The following CC2D2B variants were observed in gnomAD, a reference collection of about 807,000 sequenced individuals.
CC2D2B encodes the protein protein CC2D2B.
A neutral mutation model predicts 161.2 loss-of-function variants in CC2D2B; 128 were observed. The ratio of observed to expected loss-of-function variants is 0.79; its 90% CI spans 0.69 to 0.92. The LOEUF is 0.92. Among genes scored for constraint, CC2D2B ranks in the 40% least tolerant of loss-of-function variants. CC2D2B has a pLI of 0.00. For missense variants in CC2D2B, 1,173 were observed against 1,375.1 expected (o/e 0.85, Z 2.32); for synonymous variants, 391 against 449.8 (o/e 0.87, Z 1.65).
intron 15 of CC2D2B, among the ~76,000 whole-genome samples, chr10:95,971,401 A>AG (rs1235758709): frequency 2.6e-5 from 4 of 151,818 alleles, no homozygotes; most frequent in Non-Finnish European, 5.9e-5. Flanking sequence ...AAAAAAAAAA[A>AG]AAAGAAAGAA....
At position 95,946,372 on chromosome 10, in the gene CC2D2B, T is replaced by C. The variant is rs1008315366; in HGVS notation, c.802-3524T>C. Among the ~76,000 whole-genome samples, 11 of 152,334 alleles carry C rather than the reference T, an allele frequency of 7.2e-5. No homozygotes were observed. In the East Asian group the frequency reaches 2.1e-3, roughly 29 times the overall value. On this transcript the variant is annotated intron_variant, in intron 9 of 34. Coordinates refer to ENST00000646931, the MANE Select transcript of CC2D2B (RefSeq NM_001349008.3). ...GGACAGGACCAAGGGCAGAGGCTTG[T>C]GTCACTCCATTAGAAACCCAAAGCA...
intron 10 of CC2D2B, among the ~76,000 whole-genome samples, chr10:95,951,440 C>T (rs1037139773): frequency 3.9e-5 from 6 of 152,180 alleles, no homozygotes; most frequent in African/African-American, 1.4e-4. Flanking sequence ...GTGTGAGCCA[C>T]CATGCCCAGC....
chr10:95,995,450 A>G, intron 23 of CC2D2B, 85 bp downstream of exon 23: 1 of 682,564 alleles, frequency 1.5e-6, no homozygotes, highest in Non-Finnish European at 2.3e-6. Flanking sequence ...CTCTCCATCT[A>G]TATTTTCTTT....
intron 6 of CC2D2B, among the ~76,000 whole-genome samples, chr10:95,930,186 GCTCT>G (rs1178941877): frequency 6.6e-6 from 1 of 151,956 alleles, no homozygotes; most frequent in Non-Finnish European, 1.5e-5. Flanking sequence ...TCATGATTTG[GCTCT>G]CTGTTTGTCT....
intron 33 of CC2D2B, among the ~76,000 whole-genome samples, chr10:96,025,204 T>TATATATAAAAAAAAAA (rs2079704635): frequency 8.0e-6 from 1 of 125,672 alleles, no homozygotes; most frequent in Non-Finnish European, 1.6e-5. Flanking sequence ...TATATATATA[T>TATATATAAAAAAAAAA]ATATATATAT....
intron 17 of CC2D2B, among the ~76,000 whole-genome samples, chr10:95,977,443 G>A (rs2077360445): frequency 6.6e-6 from 1 of 152,066 alleles, no homozygotes; most frequent in Non-Finnish European, 1.5e-5. Context: ...TAACCTAAAT[G>A]ATCGTTGTCT....
chr10:95,937,670 C>T (rs1272618949), intron 6 of CC2D2B, among the ~76,000 whole-genome samples: 1 of 152,084 alleles, frequency 6.6e-6, no homozygotes, highest in Non-Finnish European at 1.5e-5. Context: ...CTGCCCTACA[C>T]TGTGTATTCT....
At chr10:95,932,918 T>A (rs2141236690) in intron 6 of CC2D2B, among the ~76,000 whole-genome samples, 1 of 152,332 alleles carries the variant, frequency 6.6e-6, no homozygotes, top group Non-Finnish European at 1.5e-5. Context: ...TGAATTTGAA[T>A]GTTGACCTGT....
chr10:96,027,336 T>C lies in CC2D2B; in HGVS notation c.4072T>C (p.Phe1358Leu), dbSNP rs2079827775. 6.4e-7 allele frequency: 1 copy of C among 1,551,078 alleles called. No homozygotes were observed. The highest frequency in any genetic ancestry group is 8.7e-7 in the Non-Finnish European group (1 of 1,146,708). The change falls in exon 34 of 35, where the codon TTT (phenylalanine) becomes CTT (leucine). Residue 1358 changes from phenylalanine to leucine, a missense_variant. Phe to Leu is a conservative substitution (Grantham distance 22). Around this residue, in one of 3 missense-constraint regions of CC2D2B, gnomAD observed 598 missense variants for 693.2 expected, o/e 0.86. Transcript: ENST00000646931. ...TAAGCTGGAATTTGGCATAGGAAGC[T>C]TTGTTTCATCTGAAGGAGATAATGA... The part of the protein sequence containing the change: ...LPKLEFGIGS[F>L]VSSEGDNEFE...
chr10:95,931,817 A>G (rs554063697), intron 6 of CC2D2B, among the ~76,000 whole-genome samples: 19 of 152,282 alleles, frequency 1.2e-4, no homozygotes, highest in Admixed American at 9.2e-4. Flanking sequence ...CAATTTTAGA[A>G]TAAGTGCAAT....
At chr10:96,028,357 A>C (rs1361824027) in intron 34 of CC2D2B, among the ~76,000 whole-genome samples, 4 of 152,236 alleles carry the variant, frequency 2.6e-5, no homozygotes, top group Admixed American at 6.5e-5. Context: ...ACAATTGACA[A>C]ACAGGCATAT....
Position 95,982,013 on chromosome 10 carries a change from T to C in CC2D2B, c.1982T>C (p.Ile661Thr). ...RNVDARSVPG[I>T]PWLMNEQKLF... ...GTAGATGCAAGAAGTGTTCCTGGAA[T>C]TCCATGGCTCATGAATGAACAGAAG... Residue 661 changes from isoleucine to threonine, a missense_variant, in exon 18 of 35, where the codon ATT becomes ACT. By Grantham distance (89) the Ile-to-Thr change is moderately conservative. This residue lies in a region of CC2D2B where 277 missense variants were observed against 420.6 expected (regional missense o/e 0.66). Transcript: ENST00000646931. The C allele has an allele frequency of 8.1e-7, 1 of 1,230,894 alleles. No individual in the cohort carries two copies. The highest frequency in any genetic ancestry group is 1.0e-6 in the Non-Finnish European group (1 of 986,916). The allele number at this position is 1,230,894 out of a possible 1,614,324, so 76.2% of individuals were successfully genotyped here. A position where few individuals can be genotyped will look rare whatever the true frequency, so the allele number is the denominator to read the frequency against.
At chr10:96,031,059 C>G (rs753315373) in intron 34 of CC2D2B, among the ~76,000 whole-genome samples, 42 of 152,262 alleles carry the variant, frequency 2.8e-4, no homozygotes, top group Non-Finnish European at 5.9e-4. Context: ...CACCCAACAC[C>G]TAGTAAGTAT....
In CC2D2B at chr10:96,027,264, A is replaced by C. The variant is rs180837482; in HGVS notation, c.4000A>C (p.Thr1334Pro). ...GATGGAATGGCGACCTAAACACCCAACACATTGGAATCGACAGTGTACTTT... is the reference window on the plus strand; with the variant it reads ...GATGGAATGGCGACCTAAACACCCACCACATTGGAATCGACAGTGTACTTT... Reference protein sequence around the residue: ...KVMEWRPKHPTHWNRQCTFIL... With the variant: ...KVMEWRPKHPPHWNRQCTFIL... Residue 1334 changes from threonine (T) to proline (P), a missense_variant, in exon 34 of 35, where the codon ACA becomes CCA. Physicochemically the swap from Thr to Pro is conservative, Grantham distance 38. Transcript: ENST00000646931. The C allele has an allele frequency of 1.4e-4, 221 of 1,550,734 alleles. 1 individual carries two copies. In the East Asian group the frequency reaches 5.2e-3, roughly 37 times the overall value.
intron 17 of CC2D2B, among the ~76,000 whole-genome samples, chr10:95,979,304 T>G (rs2077429055): frequency 6.6e-6 from 1 of 152,052 alleles, no homozygotes; most frequent in Admixed American, 6.6e-5. Context: ...GTTGGGAGAT[T>G]GGGTTGTTAT....
intron 16 of CC2D2B, among the ~76,000 whole-genome samples, chr10:95,972,556 C>T (rs1392998295): frequency 6.6e-6 from 1 of 152,136 alleles, no homozygotes; most frequent in Non-Finnish European, 1.5e-5. Context: ...TCAGGTGATC[C>T]GCCCCCCTCA....
At chr10:96,018,536 A>G (rs2079303908) in intron 30 of CC2D2B, among the ~76,000 whole-genome samples, 2 of 152,258 alleles carry the variant, frequency 1.3e-5, no homozygotes, top group South Asian at 4.1e-4. Flanking sequence ...AAAGTGCCCT[A>G]CCTCAAAACA....
Position 95,924,390 on chromosome 10 carries a change from G to T in CC2D2B, c.174G>T (p.Lys58Asn). 1 of 1,470,220 alleles carries T rather than the reference G, an allele frequency of 6.8e-7. No individual in the cohort carries two copies. Among genetic ancestry groups the T allele is most frequent in the Non-Finnish European group, 9.1e-7 (1 of 1,094,866 alleles). The allele number at this position is 1,470,220 out of a possible 1,614,324, so 91.1% of individuals were successfully genotyped here. ...GKVREKLKIS[K>N]INKGEKSSTE... Reference sequence around the variant, plus strand: ...TGAGAGAAAAGCTAAAAATTTCTAAGGTAATGCTTTTTAAAATTTCCTGTT... The same window carrying T: ...TGAGAGAAAAGCTAAAAATTTCTAATGTAATGCTTTTTAAAATTTCCTGTT... Residue 58 changes from lysine to asparagine, a missense_variant and splice_region_variant, in exon 4 of 35, where the codon AAG becomes AAT. By Grantham distance (94) the Lys-to-Asn change is moderately conservative. This residue lies in a region of CC2D2B where 298 missense variants were observed against 261.2 expected (regional missense o/e 1.14). Transcript: ENST00000646931.
chr10:95,944,677 C>A (rs2076136933), intron 9 of CC2D2B, among the ~76,000 whole-genome samples: 1 of 152,128 alleles, frequency 6.6e-6, no homozygotes, highest in African/African-American at 2.4e-5. Flanking sequence ...GAAATATTAA[C>A]CACCATTCAG....
Sources: gnomAD v4.1 joint callset for allele counts (sites outside exome capture counted in the v4.1 genomes callset) on GRCh38, gnomAD v4.1.1 for gene constraint, gnomAD v4.1.1 regional missense constraint, MANE v1.5 for transcripts, NCBI Gene and HGNC (gene_info 2026-07-23, HGNC 2026-07-21) for gene names.